Variants in PRMT8 observed in about 807,000 individuals in gnomAD.
PRMT8 encodes protein arginine methyltransferase 8, also known as protein arginine N-methyltransferase 8.
Under a neutral mutation model 47.1 loss-of-function variants are expected in PRMT8, and 7 were observed. The ratio of observed to expected loss-of-function variants is 0.15; its 90% confidence interval spans 0.08 to 0.28. PRMT8 has a LOEUF of 0.28. Ranked by LOEUF, PRMT8 falls within the 10% of genes least tolerant of loss-of-function variation. The pLI is 1.00. For synonymous variants in PRMT8, 188 were observed against 186.5 expected (o/e 1.01, Z -0.07); for missense variants, 237 against 505.4 (o/e 0.47, Z 5.09).
At chr12:3,546,130 G>A (rs1449149514) in intron 2 of PRMT8, among the ~76,000 whole-genome samples, 14 of 152,158 alleles carry the variant, frequency 9.2e-5, no homozygotes, top group Admixed American at 9.2e-4. Context: ...GAAGGAAAGA[G>A]AGACTATCCC....
upstream of PRMT8, among the ~76,000 whole-genome samples, chr12:3,490,862 TG>T (rs1274671294): frequency 8.5e-6 from 1 of 118,328 alleles, no homozygotes; most frequent in African/African-American, 3.1e-5. Context: ...GCGGGAGAGC[TG>T]GGGTGGGCCG....
intron 1 of PRMT8, among the ~76,000 whole-genome samples, chr12:3,412,940 T>C (rs1421431220): frequency 1.3e-5 from 2 of 152,188 alleles, no homozygotes; most frequent in Non-Finnish European, 2.9e-5. Flanking sequence ...CTAATTACAT[T>C]CCATGAGGCA....
At chr12:3,567,933 C>T (rs536359658) in intron 4 of PRMT8, among the ~76,000 whole-genome samples, 53 of 151,776 alleles carry the variant, frequency 3.5e-4, no homozygotes, top group Non-Finnish European at 5.6e-4. Flanking sequence ...ATTAGCCGGG[C>T]GTGGTGGCAC....
chr12:3,469,103 G>A (rs144831556), intron 1 of PRMT8: 108 of 486,714 alleles, frequency 2.2e-4, no homozygotes, highest in African/African-American at 2.1e-3. Flanking sequence ...AGCAGTCAGG[G>A]ACATTTCTGA....
chr12:3,583,115 C>T lies in PRMT8; in HGVS notation c.886C>T (p.Leu296=), dbSNP rs1027157564. Residue 296 remains leucine, a synonymous_variant, in exon 8 of 10, where the codon CTG becomes TTG. Transcript: ENST00000382622. The surrounding 1 kb of genome is among the most constrained non-coding windows in gnomAD (Gnocchi z 4.7). ...GCTATCGTTCACATCTGCATTCTGCCTGCAGATACAGCGCAACGACTACGT... is the reference window on the plus strand; with the variant it reads ...GCTATCGTTCACATCTGCATTCTGCTTGCAGATACAGCGCAACGACTACGT... The part of the protein sequence containing the change: ...EELSFTSAFC[L]QIQRNDYVHA... 6.2e-7 allele frequency: 1 copy of T among 1,614,002 alleles called. No individual in the cohort carries two copies. The highest frequency in any genetic ancestry group is 8.5e-7 in the Non-Finnish European group (1 of 1,179,892).
chr12:3,527,418 T>G (rs1247696623), intron 1 of PRMT8, among the ~76,000 whole-genome samples: 1 of 152,144 alleles, frequency 6.6e-6, no homozygotes, highest in East Asian at 1.9e-4. Flanking sequence ...TGATGCAAGA[T>G]TTCATCTTAC....
At chr12:3,560,922 G>A (rs994886222) in intron 4 of PRMT8, among the ~76,000 whole-genome samples, 1 of 152,204 alleles carries the variant, frequency 6.6e-6, no homozygotes, top group African/African-American at 2.4e-5. Flanking sequence ...TCAAGTGCCT[G>A]ATATAGGGCC....
At chr12:3,464,683 G>A (rs1224070496) in intron 1 of PRMT8, among the ~76,000 whole-genome samples, 3 of 152,136 alleles carry the variant, frequency 2.0e-5, no homozygotes, top group Non-Finnish European at 4.4e-5. Context: ...AGAAACATCT[G>A]ACAGACTTCT....
At chr12:3,555,359 G>A (rs771776085) in intron 4 of PRMT8, among the ~76,000 whole-genome samples, 15 of 152,206 alleles carry the variant, frequency 9.9e-5, no homozygotes, top group Non-Finnish European at 2.1e-4. Flanking sequence ...AAGGAGCCAG[G>A]CTGACAAAGG....
chr12:3,474,455 G>A (rs1275794739), intron 1 of PRMT8, among the ~76,000 whole-genome samples: 1 of 152,036 alleles, frequency 6.6e-6, no homozygotes, highest in Admixed American at 6.5e-5. Flanking sequence ...TCTGCTCCCA[G>A]CCCATCCCCC....
At chr12:3,437,191 T>A (rs557648168) in intron 1 of PRMT8, among the ~76,000 whole-genome samples, 1 of 152,118 alleles carries the variant, frequency 6.6e-6, no homozygotes, top group African/African-American at 2.4e-5. Context: ...GGGCTTTTTA[T>A]AAAAGAAAAA....
chr12:3,478,629 A>T (rs1344223376), intron 1 of PRMT8, among the ~76,000 whole-genome samples: 1 of 152,254 alleles, frequency 6.6e-6, no homozygotes, highest in African/African-American at 2.4e-5. Context: ...GGCCTATTCC[A>T]TTCCCTAGAA....
At chr12:3,515,767 C>G (rs944430844) in intron 1 of PRMT8, among the ~76,000 whole-genome samples, 3 of 152,236 alleles carry the variant, frequency 2.0e-5, no homozygotes, top group Non-Finnish European at 4.4e-5. Context: ...GCCCCATTCT[C>G]TAGCTTGCTC....
chr12:3,468,590 C>A (rs913175617), intron 1 of PRMT8, among the ~76,000 whole-genome samples: 16 of 152,196 alleles, frequency 1.1e-4, no homozygotes, highest in African/African-American at 3.9e-4. Context: ...CTTCCATACA[C>A]CAACTCTTGA....
chr12:3,388,943 A>G (rs1864166813), intron 1 of PRMT8, among the ~76,000 whole-genome samples: 1 of 152,196 alleles, frequency 6.6e-6, no homozygotes, highest in African/African-American at 2.4e-5. Flanking sequence ...AATGTGGTGA[A>G]TAAATTATAT....
At chr12:3,522,811 A>C (rs953395374) in intron 1 of PRMT8, among the ~76,000 whole-genome samples, 2 of 152,042 alleles carry the variant, frequency 1.3e-5, no homozygotes, top group Non-Finnish European at 2.9e-5. Context: ...CAAACAAAAA[A>C]AAACAGAAAA....
At chr12:3,562,498 CTG>C (rs1161550898) in intron 4 of PRMT8, among the ~76,000 whole-genome samples, 1 of 151,974 alleles carries the variant, frequency 6.6e-6, no homozygotes, top group Non-Finnish European at 1.5e-5. Flanking sequence ...TCATCACAAA[CTG>C]TGAACGTGCT....
chr12:3,591,994 T>C (rs549980872), intron 8 of PRMT8, among the ~76,000 whole-genome samples: 65 of 152,122 alleles, frequency 4.3e-4, no homozygotes, highest in South Asian at 8.3e-4. Context: ...TCCCCAGCAC[T>C]GAGGAGATGG....
intron 1 of PRMT8, among the ~76,000 whole-genome samples, chr12:3,540,280 T>G (rs575613695): frequency 7.2e-5 from 11 of 152,334 alleles, no homozygotes; most frequent in African/African-American, 2.2e-4. Flanking sequence ...GTTTCCTATT[T>G]GCCTTCAAAG....
Sources: allele counts gnomAD v4.1 joint callset (sites outside exome capture counted in the v4.1 genomes callset), GRCh38; gene constraint gnomAD v4.1.1; non-coding constraint Gnocchi (gnomAD v3.1); transcripts MANE v1.5; gene names NCBI Gene and HGNC (gene_info 2026-07-23, HGNC 2026-07-21).